The following NCEH1 variants were observed in gnomAD, a reference collection of about 807,000 sequenced individuals.
NCEH1 encodes the protein neutral cholesterol ester hydrolase 1.
In NCEH1, 9 loss-of-function variants were observed where a neutral mutation model predicts 25.4. The ratio of observed to expected loss-of-function variants is 0.35; its 90% CI spans 0.21 to 0.62. The LOEUF is 0.62. NCEH1 is among the 20% of genes least tolerant of loss of function. The pLI is 0.72. For missense variants in NCEH1, 412 were observed against 501.1 expected (o/e 0.82, Z 1.70); for synonymous variants, 200 against 199.8 (o/e 1.00, Z -0.01).
intron 1 of NCEH1, among the ~76,000 whole-genome samples, chr3:172,673,282 T>TAAG (rs1471503380): frequency 6.6e-6 from 1 of 152,174 alleles, no homozygotes; most frequent in African/African-American, 2.4e-5. Flanking sequence ...CCCTAGGAAA[T>TAAG]AATTTAACTG....
rs191288762 is a variant in NCEH1, at chr3:172,648,929, C to T, written c.139-815G>A. On this transcript the variant is annotated intron_variant, in intron 1 of 4. Transcript: ENST00000475381. ...GAGTTTATATCCTTCTCTCCACTTT[C>T]GCAAGTTCATCAGGAAGGGGAACAG... Among the ~76,000 whole-genome samples the T allele has an allele frequency of 2.7e-3, 406 of 152,302 alleles. 3 individuals are homozygous for T. The highest frequency in any genetic ancestry group is 5.4e-3 in the Admixed American group (83 of 15,298).
intron 1 of NCEH1, among the ~76,000 whole-genome samples, chr3:172,693,894 T>C (rs1307641626): frequency 6.6e-6 from 1 of 152,184 alleles, no homozygotes; most frequent in African/African-American, 2.4e-5. Context: ...GTGTATTTAA[T>C]TTTTAAATTT....
chr3:172,662,924 T>A (rs1224995523), intron 1 of NCEH1, among the ~76,000 whole-genome samples: 1 of 152,164 alleles, frequency 6.6e-6, no homozygotes, highest in African/African-American at 2.4e-5. Context: ...TCCTGGATTC[T>A]TTGATTTCTT....
intron 1 of NCEH1, among the ~76,000 whole-genome samples, chr3:172,690,089 G>A (rs1576772602): frequency 1.3e-5 from 2 of 151,952 alleles, no homozygotes; most frequent in East Asian, 3.9e-4. Context: ...ATTTTTAGTA[G>A]AGACGGGGTT....
At chr3:172,635,643 C>T (rs1716565057) in intron 4 of NCEH1, among the ~76,000 whole-genome samples, 1 of 152,086 alleles carries the variant, frequency 6.6e-6, no homozygotes, top group South Asian at 2.1e-4. Context: ...CCATACATAG[C>T]CCTGAGAAGC....
chr3:172,659,821 C>T (rs958209171), intron 1 of NCEH1, among the ~76,000 whole-genome samples: 10 of 152,126 alleles, frequency 6.6e-5, no homozygotes, highest in African/African-American at 1.9e-4. Flanking sequence ...CAAACAGCCA[C>T]CCCCATCTTT....
chr3:172,664,831 T>G lies in NCEH1; in HGVS notation c.139-16717A>C, dbSNP rs140308922. Among the ~76,000 whole-genome samples, 4 of 152,330 alleles carry G rather than the reference T, an allele frequency of 2.6e-5. No individual in the cohort carries two copies. In the East Asian group the frequency reaches 7.7e-4, roughly 29 times the overall value. Reference sequence around the variant, plus strand: ...ATCAGGTCATTTAAGGTCTCCTCTATGCTGTTTATTCTAGTTAGCCATTTG... The same window carrying G: ...ATCAGGTCATTTAAGGTCTCCTCTAGGCTGTTTATTCTAGTTAGCCATTTG... On this transcript the variant is annotated intron_variant, in intron 1 of 4. Coordinates refer to ENST00000475381, the MANE Select transcript of NCEH1 (RefSeq NM_020792.6).
intron 1 of NCEH1, among the ~76,000 whole-genome samples, chr3:172,695,222 G>A (rs536521110): frequency 6.6e-6 from 1 of 152,168 alleles, no homozygotes; most frequent in African/African-American, 2.4e-5. Context: ...AACCCTGCTT[G>A]TAAGTACTTC....
Position 172,700,593 on chromosome 3 carries a change from C to T in NCEH1, c.138+10254G>A, listed in dbSNP as rs533410878. On this transcript the variant is annotated intron_variant, in intron 1 of 4. Coordinates refer to ENST00000475381, the MANE Select transcript of NCEH1 (RefSeq NM_020792.6). ...TGTAGTGGTGTGATCATACAGCCTT[C>T]ACCTCCTAGGCTCAAGAGATCCTCA... is the stretch of plus-strand genomic sequence containing the variant. Among the ~76,000 whole-genome samples, 8 of 152,266 alleles carry T rather than the reference C, an allele frequency of 5.3e-5. No homozygotes were observed. In the South Asian group the frequency reaches 1.7e-3, roughly 32 times the overall value.
chr3:172,679,707 G>A (rs1359400104), intron 1 of NCEH1, among the ~76,000 whole-genome samples: 1 of 151,892 alleles, frequency 6.6e-6, no homozygotes, highest in African/African-American at 2.4e-5. Flanking sequence ...TGGCTTAAAG[G>A]GCCAGGCCAG....
Position 172,632,048 on chromosome 3 carries a change from T to C in NCEH1, c.*1427A>G, listed in dbSNP as rs1716381772. Reference sequence around the variant, plus strand: ...CTGGCTGGAAGGAGGAGATGGGGGATCTAGGCAACACCAGGTGCCAGTGTA... The same window carrying C: ...CTGGCTGGAAGGAGGAGATGGGGGACCTAGGCAACACCAGGTGCCAGTGTA... On this transcript the variant is annotated 3_prime_UTR_variant, in exon 5 of 5. Coordinates refer to ENST00000475381, the MANE Select transcript of NCEH1 (RefSeq NM_020792.6). 6.6e-6 allele frequency: 1 copy of C among 152,622 alleles called. No homozygotes were observed. The highest frequency in any genetic ancestry group is 1.5e-5 in the Non-Finnish European group (1 of 68,038). 9.5% of individuals were successfully genotyped at this position (152,622 alleles called of 1,614,324 possible).
rs942153235 is a variant in NCEH1, at chr3:172,630,812, G to C, written c.*2663C>G. 22 of 151,892 alleles carry C rather than the reference G, an allele frequency of 1.4e-4. No individual in the cohort carries two copies. The highest frequency in any genetic ancestry group is 5.1e-4 in the African/African-American group (21 of 41,352). 9.4% of individuals were successfully genotyped at this position (151,892 alleles called of 1,614,324 possible). ...GTAGTGGGAAATAAGCAAAGTCAAA[G>C]GTTAAAAGGTCATGCATAAAATAGA... On this transcript the variant is annotated 3_prime_UTR_variant, in exon 5 of 5. Coordinates refer to ENST00000475381, the MANE Select transcript of NCEH1 (RefSeq NM_020792.6).
intron 1 of NCEH1, among the ~76,000 whole-genome samples, chr3:172,692,970 T>C (rs2108530240): frequency 6.6e-6 from 1 of 152,332 alleles, no homozygotes; most frequent in South Asian, 2.1e-4. Flanking sequence ...GAAAGAGTGC[T>C]ACTTCTCATC....
At chr3:172,689,014 C>T (rs1712868133) in intron 1 of NCEH1, among the ~76,000 whole-genome samples, 1 of 152,164 alleles carries the variant, frequency 6.6e-6, no homozygotes, top group South Asian at 2.1e-4. Context: ...ACTGACTAAA[C>T]TTTTGTTTTG....
chr3:172,677,772 C>T (rs1000127408), intron 1 of NCEH1, among the ~76,000 whole-genome samples: 2 of 152,252 alleles, frequency 1.3e-5, no homozygotes, highest in African/African-American at 4.8e-5. Context: ...ACTAAAAATA[C>T]AAAAAATTAG....
chr3:172,683,634 C>T (rs974824307), intron 1 of NCEH1, among the ~76,000 whole-genome samples: 8 of 152,120 alleles, frequency 5.3e-5, no homozygotes, highest in East Asian at 1.9e-4. Context: ...GCCGTAATCA[C>T]GCCACCGCCC....
At chr3:172,661,484 A>G (rs577036740) in intron 1 of NCEH1, among the ~76,000 whole-genome samples, 1 of 152,124 alleles carries the variant, frequency 6.6e-6, no homozygotes, top group Non-Finnish European at 1.5e-5. Flanking sequence ...TATGAACTTT[A>G]AAGTATTTTT....
rs1716428626 is a variant in NCEH1, at chr3:172,632,951, A to T, written c.*524T>A. ...TTCTTTCCAGAAAACCTTTGCCAAA[A>T]TTCCCATAGGAAACAAAACCATCCA... is the stretch of plus-strand genomic sequence containing the variant. On this transcript the variant is annotated 3_prime_UTR_variant, in exon 5 of 5. Coordinates refer to ENST00000475381, the MANE Select transcript of NCEH1 (RefSeq NM_020792.6). The T allele has an allele frequency of 2.0e-5, 3 of 152,764 alleles. No homozygotes were observed. The highest frequency in any genetic ancestry group is 4.4e-5 in the Non-Finnish European group (3 of 68,146). The allele number at this position is 152,764 out of a possible 1,614,324, so 9.5% of individuals were successfully genotyped here.
intron 1 of NCEH1, among the ~76,000 whole-genome samples, chr3:172,677,430 CCTA>C (rs1712075524): frequency 6.6e-6 from 1 of 152,180 alleles, no homozygotes; most frequent in Admixed American, 6.5e-5. Context: ...CAAGTTATTG[CCTA>C]CTATTTAAAA....
Sources: allele counts gnomAD v4.1 joint callset (sites outside exome capture counted in the v4.1 genomes callset), GRCh38; gene constraint gnomAD v4.1.1; transcripts MANE v1.5; gene names NCBI Gene and HGNC (gene_info 2026-07-23, HGNC 2026-07-21).